LRCH2: variants seen among roughly 807,000 people sequenced by gnomAD.
LRCH2 encodes the protein leucine rich repeats and calponin homology domain containing 2.
Under a neutral mutation model 68.9 loss-of-function variants are expected in LRCH2, and 38 were observed. That is an observed-to-expected ratio of 0.55 (90% CI 0.43 to 0.72). LRCH2 has a LOEUF of 0.72. Among genes scored for constraint, LRCH2 ranks in the 30% least tolerant of loss-of-function variants. LRCH2 has a pLI of 0.00. For synonymous variants in LRCH2, 191 were observed against 208.1 expected, an observed-to-expected ratio of 0.92 and a Z score of 0.71; for missense variants, 528 against 572.9, an observed-to-expected ratio of 0.92 and a Z score of 0.80.
At chrX:115,162,980 C>G (rs2072531185) in intron 11 of LRCH2, among the ~76,000 whole-genome samples, 1 of 111,788 alleles carries the variant, frequency 8.9e-6, no homozygotes, top group African/African-American at 3.2e-5. Context: ...GCATATGGAA[C>G]TTTTCCTGCA....
chrX:115,191,231 G>T lies in LRCH2; in HGVS notation c.350-2861C>A. 7.8e-6 allele frequency: 9 copies of T among 1,150,033 alleles called. No homozygotes were observed. The highest frequency in any genetic ancestry group is 1.0e-5 in the Non-Finnish European group (9 of 865,597). 94.8% of individuals were successfully genotyped at this position (1,150,033 alleles called of 1,213,427 possible). A position where few individuals can be genotyped will look rare whatever the true frequency, so the allele number is the denominator to read the frequency against. On this transcript the variant is annotated intron_variant, in intron 1 of 20. Coordinates refer to ENST00000317135, the MANE Select transcript of LRCH2 (RefSeq NM_020871.4). The stretch of plus-strand genomic sequence containing the variant: ...GGCTGCTACGAGGAGTACCGAGGCC[G>T]CTCCCTCGATGCCAACAGTGGAGGC...
rs782006920 is a variant in LRCH2, at chrX:115,192,002, G to A, written c.350-3632C>T. Reference sequence around the variant, plus strand: ...AGCAACAGTTACGACCGGAGCCACCGCTATGGAGGAGGAGGCCACTACGAA... The same window carrying A: ...AGCAACAGTTACGACCGGAGCCACCACTATGGAGGAGGAGGCCACTACGAA... On this transcript the variant is annotated intron_variant, in intron 1 of 20. Coordinates refer to ENST00000317135, the MANE Select transcript of LRCH2 (RefSeq NM_020871.4). The A allele has an allele frequency of 1.1e-4, 124 of 1,166,047 alleles. No individual in the cohort carries two copies. The highest frequency in any genetic ancestry group is 2.3e-4 in the Middle Eastern group (1 of 4,327).
At chrX:115,194,469 G>T (rs2072872645) in intron 1 of LRCH2, among the ~76,000 whole-genome samples, 1 of 111,601 alleles carries the variant, frequency 9.0e-6, no homozygotes, top group African/African-American at 3.3e-5. Context: ...TGTAACTTCA[G>T]AATTCTGGGA....
chrX:115,169,465 TA>T (rs2072589117), intron 6 of LRCH2, among the ~76,000 whole-genome samples: 1 of 111,781 alleles, frequency 8.9e-6, no homozygotes, highest in African/African-American at 3.2e-5. Flanking sequence ...AAATAATCTT[TA>T]AAAACTGAAT....
intron 14 of LRCH2, among the ~76,000 whole-genome samples, chrX:115,134,929 T>A (rs2072275719): frequency 9.0e-6 from 1 of 110,679 alleles, no homozygotes; most frequent in Non-Finnish European, 1.9e-5. Context: ...TCATTCTAGA[T>A]GCCATTAAGA....
At chrX:115,156,319 T>C (rs1234552542) in intron 12 of LRCH2, among the ~76,000 whole-genome samples, 1 of 111,727 alleles carries the variant, frequency 9.0e-6, no homozygotes, top group East Asian at 2.8e-4. Context: ...AAACACATTA[T>C]TCCTGGCAGG....
At chrX:115,162,282 CT>C (rs2072526146) in intron 11 of LRCH2, among the ~76,000 whole-genome samples, 1 of 111,463 alleles carries the variant, frequency 9.0e-6, no homozygotes, top group African/African-American at 3.3e-5. Context: ...ATTCTTTCAC[CT>C]GCTAGGTAGA....
chrX:115,211,191 C>T (rs781902150), intron 1 of LRCH2, among the ~76,000 whole-genome samples: 190 of 111,287 alleles, frequency 1.7e-3, no homozygotes, highest in Non-Finnish European at 1.7e-3. Flanking sequence ...ATGGTTTGGC[C>T]GTGTTCTCAC....
chrX:115,189,694 A>G (rs1556556278), intron 1 of LRCH2: 7 of 1,168,081 alleles, frequency 6.0e-6, no homozygotes, highest in Non-Finnish European at 8.0e-6. Context: ...GGCCCAGACC[A>G]TCAAACCGGC....
rs1403569148 is a variant in LRCH2 at position 115,113,187 on chromosome X, C to T, written c.*29G>A. On this transcript the variant is annotated 3_prime_UTR_variant, in exon 21 of 21. Transcript: ENST00000317135. Reference sequence around the variant, plus strand: ...TTGAAATCACTTCAAATAAATGAAACTATACACTTAGAATTTTAAAATGTT... The same window carrying T: ...TTGAAATCACTTCAAATAAATGAAATTATACACTTAGAATTTTAAAATGTT... 1 of 1,126,603 alleles carries T rather than the reference C, an allele frequency of 8.9e-7. No individual in the cohort carries two copies. Among genetic ancestry groups the T allele is most frequent in the African/African-American group, 1.8e-5 (1 of 54,541 alleles). The allele number at this position is 1,126,603 out of a possible 1,213,427, so 92.8% of individuals were successfully genotyped here. A position where few individuals can be genotyped will look rare whatever the true frequency, so the allele number is the denominator to read the frequency against.
chrX:115,193,218 G>GA (rs1266773536), intron 1 of LRCH2, among the ~76,000 whole-genome samples: 41 of 105,593 alleles, frequency 3.9e-4, no homozygotes, highest in African/African-American at 1.1e-3. Flanking sequence ...AAAGTAAATG[G>GA]AAAAAAAAAA....
intron 1 of LRCH2, among the ~76,000 whole-genome samples, chrX:115,209,125 T>G (rs782281487): frequency 1.8e-5 from 2 of 112,597 alleles, no homozygotes; most frequent in South Asian, 7.3e-4. Flanking sequence ...ATAACCTAAG[T>G]GGAATTGAGG....
At chrX:115,207,097 TC>T (rs1331417030) in intron 1 of LRCH2, among the ~76,000 whole-genome samples, 1 of 111,594 alleles carries the variant, frequency 9.0e-6, no homozygotes. Context: ...ACATTAAAAA[TC>T]AATTAACATG....
At chrX:115,194,685 A>T (rs1194840730) in intron 1 of LRCH2, among the ~76,000 whole-genome samples, 1 of 112,012 alleles carries the variant, frequency 8.9e-6, no homozygotes, top group Non-Finnish European at 1.9e-5. Flanking sequence ...ATTAGTACTC[A>T]TAGGGGATGG....
intron 1 of LRCH2, among the ~76,000 whole-genome samples, chrX:115,210,190 G>A (rs2147351999): frequency 9.0e-6 from 1 of 111,683 alleles, no homozygotes; most frequent in African/African-American, 3.3e-5. Context: ...ATGTCTCCAG[G>A]GCATGTCAGA....
chrX:115,169,288 T>G (rs1037176059), intron 6 of LRCH2, among the ~76,000 whole-genome samples: 2 of 111,938 alleles, frequency 1.8e-5, no homozygotes, highest in Admixed American at 1.9e-4. Flanking sequence ...AATCTACCAG[T>G]AGGCATTCAA....
intron 1 of LRCH2, chrX:115,191,448 C>T (rs1394373297): frequency 1.8e-5 from 21 of 1,141,583 alleles, no homozygotes; most frequent in South Asian, 5.9e-5. Flanking sequence ...GAGGCCGCTA[C>T]GAGGAGTACC....
At chrX:115,195,742 T>A (rs1400524640) in intron 1 of LRCH2, among the ~76,000 whole-genome samples, 1 of 109,520 alleles carries the variant, frequency 9.1e-6, no homozygotes, top group African/African-American at 3.3e-5. Flanking sequence ...TAAGAGAGAG[T>A]GAGTGAGTAT....
chrX:115,130,090 T>G (rs2072230267), intron 15 of LRCH2, 65 bp downstream of exon 15: 3 of 623,201 alleles, frequency 4.8e-6, no homozygotes, highest in Admixed American at 4.6e-5. Flanking sequence ...CATTTTACTC[T>G]CACTGAGCCA....
Sources: gnomAD v4.1 joint callset for allele counts (sites outside exome capture counted in the v4.1 genomes callset) on GRCh38, gnomAD v4.1.1 for gene constraint, MANE v1.5 for transcripts, NCBI Gene and HGNC (gene_info 2026-07-23, HGNC 2026-07-21) for gene names.